NPAS3: variants seen among roughly 807,000 people sequenced by gnomAD.
NPAS3 encodes the protein neuronal PAS domain protein 3, also known as neuronal PAS domain-containing protein 3.
A neutral mutation model predicts 73.1 loss-of-function variants in NPAS3; 14 were observed. The ratio of observed to expected loss-of-function variants is 0.19; its 90% CI spans 0.13 to 0.30. NPAS3 has a LOEUF of 0.30. NPAS3 is among the 10% of genes least tolerant of loss of function. The pLI is 1.00. For missense variants in NPAS3, 1,096 were observed against 1,250.0 expected (o/e 0.88, Z 1.86); for synonymous variants, 620 against 541.5 (o/e 1.14, Z -2.01).
rs780708461 is a variant in NPAS3 at position 33,178,070 on chromosome 14, A to ATTTTTTTTTTTTTTT, written c.141-37104_141-37103insTTTTTTTTTTTTTTT. 1.6e-5 allele frequency among the ~76,000 whole-genome samples: 2 copies of ATTTTTTTTTTTTTTT among 123,868 alleles called. 1 individual carries two copies. Among genetic ancestry groups the ATTTTTTTTTTTTTTT allele is most frequent in the Non-Finnish European group, 3.3e-5 (2 of 60,560 alleles). The allele number at this position is 123,868 out of a possible 152,430, so 81.3% of individuals were successfully genotyped here. On this transcript the variant is annotated intron_variant, in intron 2 of 11. Coordinates refer to ENST00000356141, the Ensembl canonical transcript of NPAS3. ...GGAATTTTGATAGGCATTGAAGTGAATTTTTTTTGTTTTTTTTTTTTTGGA... is the reference window on the plus strand; with the variant it reads ...GGAATTTTGATAGGCATTGAAGTGAATTTTTTTTTTTTTTTTTTTTTTTGTTTTTTTTTTTTTGGA...
rs182316758 is a variant in NPAS3, at chr14:33,543,905, G to A, written c.469-16216G>A. 7.5e-3 allele frequency among the ~76,000 whole-genome samples: 1,108 copies of A among 147,490 alleles called. 12 individuals carry two copies. The highest frequency in any genetic ancestry group is 7.8e-3 in the Non-Finnish European group (518 of 66,814). ...AGCCTGAATTTCAGTTCCCAGCTGT[G>A]TGATCTCACTTTCTTCATCTCAGAC... On this transcript the variant is annotated intron_variant, in intron 4 of 11. Transcript: ENST00000356141.
chr14:33,560,662 A>G (rs8003883), intron 5 of NPAS3, among the ~76,000 whole-genome samples: 107,988 of 151,858 alleles, frequency 0.71, 38,587 homozygotes, highest in East Asian at 0.76. Context: ...CGTTGCAGGG[A>G]GGGTTCCAGC....
intron 2 of NPAS3, among the ~76,000 whole-genome samples, chr14:33,166,153 C>A (rs1321886319): frequency 6.6e-6 from 1 of 152,170 alleles, no homozygotes; most frequent in Non-Finnish European, 1.5e-5. Flanking sequence ...AAGCCTCCCC[C>A]TCACCCCTCG....
At chr14:33,762,028 A>C (rs2062308675) in intron 7 of NPAS3, among the ~76,000 whole-genome samples, 1 of 152,204 alleles carries the variant, frequency 6.6e-6, no homozygotes, top group Non-Finnish European at 1.5e-5. Flanking sequence ...TTCTAAATAG[A>C]TCCCAACCTG....
At chr14:33,258,406 T>TA (rs1007242700) in intron 3 of NPAS3, among the ~76,000 whole-genome samples, 10 of 152,084 alleles carry the variant, frequency 6.6e-5, no homozygotes, top group Admixed American at 4.6e-4. Flanking sequence ...ACACTGTCTA[T>TA]AAAAAAAAGT....
intron 2 of NPAS3, among the ~76,000 whole-genome samples, chr14:33,163,626 T>G (rs866389139): frequency 2.4e-4 from 29 of 122,224 alleles, no homozygotes; most frequent in Admixed American, 6.0e-4. Context: ...TTTTGTTGTT[T>G]TTTTTTTTTT....
chr14:33,715,064 G>A (rs2060921950), intron 6 of NPAS3, among the ~76,000 whole-genome samples: 6 of 152,172 alleles, frequency 3.9e-5, no homozygotes, highest in Admixed American at 3.9e-4. Context: ...GAGCAGAGAA[G>A]CTTTGTTCAG....
intron 3 of NPAS3, among the ~76,000 whole-genome samples, chr14:33,300,710 T>G (rs2042495318): frequency 6.6e-6 from 1 of 151,398 alleles, no homozygotes. Flanking sequence ...GGGTGAGGGG[T>G]GGAGTCTCCT....
intron 6 of NPAS3, among the ~76,000 whole-genome samples, chr14:33,709,589 A>C (rs1351635972): frequency 6.6e-6 from 1 of 152,228 alleles, no homozygotes; most frequent in Non-Finnish European, 1.5e-5. Context: ...AGTTCTTTCC[A>C]GTGTGAGAAG....
chr14:33,469,877 G>A (rs193279728), intron 4 of NPAS3, among the ~76,000 whole-genome samples: 20 of 152,256 alleles, frequency 1.3e-4, no homozygotes, highest in South Asian at 8.3e-4. Flanking sequence ...TAATGACACC[G>A]TTTATTTGAC....
intron 2 of NPAS3, among the ~76,000 whole-genome samples, chr14:33,093,207 T>C (rs1223646939): frequency 6.6e-6 from 1 of 152,144 alleles, no homozygotes; most frequent in Non-Finnish European, 1.5e-5. Flanking sequence ...AGAAAATTTT[T>C]GCAATCTACT....
intron 1 of NPAS3, among the ~76,000 whole-genome samples, chr14:33,054,691 C>A (rs1026546415): frequency 6.6e-6 from 1 of 150,398 alleles, no homozygotes; most frequent in African/African-American, 2.5e-5. Context: ...CAGCTCATTG[C>A]AAACTCTGCC....
At chr14:33,647,774 A>G (rs911887224) in intron 5 of NPAS3, among the ~76,000 whole-genome samples, 26 of 152,044 alleles carry the variant, frequency 1.7e-4, no homozygotes, top group African/African-American at 6.3e-4. Context: ...CACATCTTGC[A>G]TGTTCCCGTA....
intron 1 of NPAS3, among the ~76,000 whole-genome samples, chr14:33,029,052 G>A (rs1177083035): frequency 6.6e-6 from 1 of 152,086 alleles, no homozygotes; most frequent in Non-Finnish European, 1.5e-5. Context: ...GATCAGAAGT[G>A]GTTTAGTCAG....
chr14:33,399,015 G>C (rs560248543), intron 4 of NPAS3, among the ~76,000 whole-genome samples: 1 of 152,144 alleles, frequency 6.6e-6, no homozygotes, highest in African/African-American at 2.4e-5. Context: ...TTATTTATGA[G>C]AACATTAAGA....
chr14:33,777,039 A>G (rs1179143213), intron 8 of NPAS3, among the ~76,000 whole-genome samples: 1 of 152,230 alleles, frequency 6.6e-6, no homozygotes, highest in Non-Finnish European at 1.5e-5. Flanking sequence ...ATTGTTAACT[A>G]GAAACTAAGC....
chr14:33,703,183 C>T (rs777886687), intron 6 of NPAS3, among the ~76,000 whole-genome samples: 7 of 151,984 alleles, frequency 4.6e-5, no homozygotes, highest in Non-Finnish European at 7.4e-5. Flanking sequence ...TAATGAATAG[C>T]GTTATGATAT....
chr14:33,062,801 C>T (rs1025252852), intron 2 of NPAS3, among the ~76,000 whole-genome samples: 5 of 152,276 alleles, frequency 3.3e-5, no homozygotes, highest in African/African-American at 9.6e-5. Context: ...TGCTTGTGTC[C>T]AGACTTTAGA....
intron 3 of NPAS3, among the ~76,000 whole-genome samples, chr14:33,318,247 A>G (rs2043288253): frequency 6.6e-6 from 1 of 152,152 alleles, no homozygotes; most frequent in South Asian, 2.1e-4. Flanking sequence ...CAGTCACAAA[A>G]GACAAGTACT....
Sources: gnomAD v4.1 joint callset for allele counts (sites outside exome capture counted in the v4.1 genomes callset) on GRCh38, gnomAD v4.1.1 for gene constraint, MANE v1.5 for transcripts, NCBI Gene and HGNC (gene_info 2026-07-23, HGNC 2026-07-21) for gene names.